The following PTPRG variants were observed in gnomAD, a reference collection of about 807,000 sequenced individuals.
PTPRG encodes the protein receptor-type tyrosine-protein phosphatase gamma.
PTPRG carries 102 observed loss-of-function variants against 165.3 expected under a neutral mutation model. The observed-to-expected ratio is 0.62, with a 90% CI of 0.53 to 0.73. The LOEUF (loss-of-function observed/expected upper bound fraction) is 0.73, where lower values mean the gene tolerates loss of function less well. Ranked by LOEUF, PTPRG falls within the 30% of genes least tolerant of loss-of-function variation. PTPRG has a pLI of 0.00. For missense variants in PTPRG, 1,866 were observed against 1,861.4 expected, an observed-to-expected ratio of 1.00 and a Z score of -0.05; for synonymous variants, 675 against 669.5, an observed-to-expected ratio of 1.01 and a Z score of -0.13.
chr3:62,170,321 C>G (rs1316598869), intron 8 of PTPRG, among the ~76,000 whole-genome samples: 3 of 151,954 alleles, frequency 2.0e-5, no homozygotes, highest in Non-Finnish European at 2.9e-5. Flanking sequence ...AAAATCAGGT[C>G]TCCTGGGGAT....
intron 2 of PTPRG, among the ~76,000 whole-genome samples, chr3:61,762,311 G>A (rs1295896186): frequency 6.6e-6 from 1 of 152,170 alleles, no homozygotes; most frequent in Non-Finnish European, 1.5e-5. Flanking sequence ...CATACCTGCT[G>A]TGCCAGAAAG....
In PTPRG at chr3:62,254,873, T is replaced by A. The variant is rs551962852; in HGVS notation, c.2468-251T>A. Among the ~76,000 whole-genome samples, 275 of 152,242 alleles carry A rather than the reference T, an allele frequency of 1.8e-3. No individual in the cohort carries two copies. The highest frequency in any genetic ancestry group is 6.4e-3 in the African/African-American group (265 of 41,566). On this transcript the variant is annotated intron_variant, in intron 15 of 29. Coordinates refer to ENST00000474889, the MANE Select transcript of PTPRG (RefSeq NM_002841.4). The surrounding 1 kb of genome is among the most constrained non-coding windows in gnomAD (Gnocchi z 4.6). ...ATGTAAATTGCGTTGAATATAAAAA[T>A]AAGGGGAATTCTCTATGTACCTTTT...
chr3:61,974,048 A>G (rs956866394), intron 2 of PTPRG, among the ~76,000 whole-genome samples: 1 of 152,148 alleles, frequency 6.6e-6, no homozygotes, highest in Non-Finnish European at 1.5e-5. Flanking sequence ...CCACAGAGCC[A>G]TACTCTAAGC....
chr3:61,707,003 A>G (rs970320194), intron 1 of PTPRG, among the ~76,000 whole-genome samples: 1 of 152,160 alleles, frequency 6.6e-6, no homozygotes, highest in African/African-American at 2.4e-5. Context: ...TTTTCATATT[A>G]TTAGCCTATT....
rs1212384238 is a variant in PTPRG, at chr3:62,108,239, C to T, written c.616-24363C>T. Among the ~76,000 whole-genome samples the T allele has an allele frequency of 2.0e-5, 3 of 151,810 alleles. No homozygotes were observed. The East Asian group carries it at 5.8e-4, about 29-fold the overall frequency. On this transcript the variant is annotated intron_variant, in intron 5 of 29. Transcript: ENST00000474889. ...GGCCCCGGTGTGTGATATTTCCCCG[C>T]TGTATCCATGTGTCCTCATTGTTCA...
intron 2 of PTPRG, among the ~76,000 whole-genome samples, chr3:61,821,709 G>A (rs2035963937): frequency 6.6e-6 from 1 of 152,154 alleles, no homozygotes; most frequent in South Asian, 2.1e-4. Context: ...AGAGGGTAAG[G>A]GGTCGTGAGG....
chr3:61,732,183 A>C (rs1057002420), intron 1 of PTPRG, among the ~76,000 whole-genome samples: 1 of 152,250 alleles, frequency 6.6e-6, no homozygotes, highest in East Asian at 1.9e-4. Flanking sequence ...AATAATTTAT[A>C]TAACCCAGTA....
At chr3:62,282,989 C>A in intron 28 of PTPRG, 120 bp downstream of exon 28, 1 of 868,676 alleles carries the variant, frequency 1.2e-6, no homozygotes, top group Non-Finnish European at 1.8e-6. Context: ...CTTGTGACAA[C>A]TCCATGTTAT....
At chr3:62,162,341 G>A (rs1704798695) in intron 7 of PTPRG, among the ~76,000 whole-genome samples, 1 of 151,198 alleles carries the variant, frequency 6.6e-6, no homozygotes, top group Non-Finnish European at 1.5e-5. Context: ...CCCCAAGCAG[G>A]GATAAAAGAA....
chr3:62,083,501 A>G (rs1425418760), intron 5 of PTPRG, among the ~76,000 whole-genome samples: 1 of 152,238 alleles, frequency 6.6e-6, no homozygotes, highest in Non-Finnish European at 1.5e-5. Context: ...TTCATGGTTT[A>G]TCTGGTGAAA....
intron 5 of PTPRG, among the ~76,000 whole-genome samples, chr3:62,130,036 G>C (rs2106919657): frequency 6.6e-6 from 1 of 152,290 alleles, no homozygotes; most frequent in South Asian, 2.1e-4. Context: ...AAATTTTGCT[G>C]TGTACCAAAT....
At chr3:62,189,345 T>C (rs1204391283) in intron 8 of PTPRG, among the ~76,000 whole-genome samples, 1 of 152,200 alleles carries the variant, frequency 6.6e-6, no homozygotes, top group African/African-American at 2.4e-5. Flanking sequence ...CATGCGTCTC[T>C]GGCAGGAAAG....
intron 2 of PTPRG, among the ~76,000 whole-genome samples, chr3:61,878,267 C>T (rs1298797310): frequency 6.6e-6 from 1 of 152,128 alleles, no homozygotes; most frequent in African/African-American, 2.4e-5. Context: ...CCCTGCTGTG[C>T]CTTCCCCACA....
At chr3:61,763,941 G>A (rs1466038423) in intron 2 of PTPRG, among the ~76,000 whole-genome samples, 1 of 152,072 alleles carries the variant, frequency 6.6e-6, no homozygotes, top group Admixed American at 6.6e-5. Flanking sequence ...AGTCACACTA[G>A]CCAAATTTCA....
intron 4 of PTPRG, among the ~76,000 whole-genome samples, chr3:62,024,448 C>G (rs1204131200): frequency 6.6e-6 from 1 of 152,168 alleles, no homozygotes; most frequent in African/African-American, 2.4e-5. Flanking sequence ...TGCCAGGTAA[C>G]TTCAAAAGAA....
At chr3:61,991,884 G>T (rs1004971057) in intron 3 of PTPRG, among the ~76,000 whole-genome samples, 1 of 152,138 alleles carries the variant, frequency 6.6e-6, no homozygotes, top group Non-Finnish European at 1.5e-5. Flanking sequence ...ACGTATGTAG[G>T]GTTCACTCGA....
At chr3:62,251,508 C>T (rs557006153) in intron 15 of PTPRG, among the ~76,000 whole-genome samples, 12 of 152,192 alleles carry the variant, frequency 7.9e-5, no homozygotes, top group South Asian at 2.1e-4. Context: ...CATGGTGGCA[C>T]GGAACTATAC....
At chr3:62,272,553 T>G (rs895119497) in intron 21 of PTPRG, among the ~76,000 whole-genome samples, 1 of 152,064 alleles carries the variant, frequency 6.6e-6, no homozygotes, top group African/African-American at 2.4e-5. Flanking sequence ...GTTATCTAAG[T>G]GGGGTTTAGG....
intron 1 of PTPRG, among the ~76,000 whole-genome samples, chr3:61,735,538 T>TG (rs1025574011): frequency 1.3e-5 from 2 of 152,084 alleles, no homozygotes; most frequent in African/African-American, 2.4e-5. Flanking sequence ...AGTTTTTTTT[T>TG]TTTTTTTCTT....
Sources: gnomAD v4.1 joint callset for allele counts (sites outside exome capture counted in the v4.1 genomes callset) on GRCh38, gnomAD v4.1.1 for gene constraint, Gnocchi (gnomAD v3.1) non-coding constraint, MANE v1.5 for transcripts, NCBI Gene and HGNC (gene_info 2026-07-23, HGNC 2026-07-21) for gene names.